MEIS1: variants seen among roughly 807,000 people sequenced by gnomAD.
MEIS1 encodes Meis homeobox 1.
Under a neutral mutation model 50.8 loss-of-function variants are expected in MEIS1, and 5 were observed. The observed-to-expected ratio is 0.10, with a 90% confidence interval of 0.05 to 0.21. The LOEUF (loss-of-function observed/expected upper bound fraction) is 0.21, where lower values mean the gene tolerates loss of function less well. MEIS1 is among the 10% of genes least tolerant of loss of function. The pLI, the probability that MEIS1 is intolerant of heterozygous loss-of-function variation, is 1.00. For synonymous variants in MEIS1, 176 were observed against 179.3 expected (o/e 0.98, Z 0.15); for missense variants, 318 against 517.3 (o/e 0.61, Z 3.74).
chr2:66,560,305 T>C (rs530077516), intron 9 of MEIS1, among the ~76,000 whole-genome samples: 1 of 151,930 alleles, frequency 6.6e-6, no homozygotes, highest in Admixed American at 6.6e-5. Flanking sequence ...TTAAAGAGAA[T>C]TTTAGTGGCT....
At chr2:66,467,615 A>AT (rs1412995361) in intron 7 of MEIS1, among the ~76,000 whole-genome samples, 1 of 151,632 alleles carries the variant, frequency 6.6e-6, no homozygotes, top group Admixed American at 6.6e-5. Flanking sequence ...AAAAAAAAAA[A>AT]TCCAATCGTG....
At position 66,437,857 on chromosome 2, in the gene MEIS1, C is replaced by G. The variant is rs1381550151; in HGVS notation, c.133C>G (p.Leu45Val). 3 of 1,613,574 alleles carry G rather than the reference C, an allele frequency of 1.9e-6. No homozygotes were observed. Among genetic ancestry groups the G allele is most frequent in the Non-Finnish European group, 2.5e-6 (3 of 1,179,720 alleles). Reference sequence around the variant, plus strand: ...CCACCACCTGAACCACGGGCCTCCTCTGCACTCGCATCAGTACCCGCACAC... The same window carrying G: ...CCACCACCTGAACCACGGGCCTCCTGTGCACTCGCATCAGTACCCGCACAC... ...PVHHLNHGPPLHSHQYPHTAH... is the reference protein window; with the variant it reads ...PVHHLNHGPPVHSHQYPHTAH... The change falls in exon 2 of 13, where the codon CTG becomes GTG. Residue 45 changes from leucine to valine, a missense_variant. By Grantham distance (32) the Leu-to-Val change is conservative (BLOSUM62 1). Transcript: ENST00000272369.
At chr2:66,520,644 T>C (rs1474095441) in intron 8 of MEIS1, among the ~76,000 whole-genome samples, 1 of 152,248 alleles carries the variant, frequency 6.6e-6, no homozygotes. Flanking sequence ...TGACATTGGA[T>C]TATTCTATCC....
At chr2:66,492,535 C>T (rs1393990818) in intron 7 of MEIS1, among the ~76,000 whole-genome samples, 1 of 152,160 alleles carries the variant, frequency 6.6e-6, no homozygotes, top group Non-Finnish European at 1.5e-5. Context: ...GCTAAGAAAG[C>T]TGTTGCTCTC....
intron 8 of MEIS1, among the ~76,000 whole-genome samples, chr2:66,544,322 A>C (rs1199543521): frequency 3.3e-5 from 5 of 152,116 alleles, no homozygotes; most frequent in Admixed American, 3.3e-4. Flanking sequence ...TTATTTAGTA[A>C]AGATGCATAG....
chr2:66,571,210 T>G (rs760437381), intron 12 of MEIS1, 36 bp from the exon 13 acceptor site: 22 of 1,544,358 alleles, frequency 1.4e-5, no homozygotes, highest in Non-Finnish European at 1.7e-5. Flanking sequence ...TTTCATAACA[T>G]TTTCTTTTTG....
chr2:66,450,342 A>G (rs1672248864), intron 6 of MEIS1, among the ~76,000 whole-genome samples: 4 of 152,136 alleles, frequency 2.6e-5, no homozygotes, highest in Admixed American at 2.6e-4. Context: ...AAATCCTGGC[A>G]TGCACTTATA....
chr2:66,538,890 T>TTG (rs1558555988), intron 8 of MEIS1, among the ~76,000 whole-genome samples: 10 of 151,886 alleles, frequency 6.6e-5, no homozygotes, highest in East Asian at 1.9e-4. Flanking sequence ...TTTTTTTTTT[T>TTG]TTTGTTTGTT....
chr2:66,543,440 C>G (rs1284134492), intron 8 of MEIS1, among the ~76,000 whole-genome samples: 1 of 152,136 alleles, frequency 6.6e-6, no homozygotes, highest in Non-Finnish European at 1.5e-5. Flanking sequence ...GAGTTATTCC[C>G]TTTCGCTGGG....
At chr2:66,496,698 C>T (rs567902635) in intron 7 of MEIS1, among the ~76,000 whole-genome samples, 12 of 152,314 alleles carry the variant, frequency 7.9e-5, no homozygotes, top group African/African-American at 2.6e-4. Context: ...CCTAGCTAAG[C>T]GAGGATTCCC....
In MEIS1 at chr2:66,507,648, G is replaced by C. The variant is rs1243069112; in HGVS notation, c.743-4501G>C. On this transcript the variant is annotated intron_variant, in intron 7 of 12. Transcript: ENST00000272369. ...GTAGGTTTAGGGGAACAGCAGTCCT[G>C]AGAGGACAGGAGTTAGTAGGGAGAG... Among the ~76,000 whole-genome samples, 3 of 152,310 alleles carry C rather than the reference G, an allele frequency of 2.0e-5. No individual in the cohort carries two copies. In the East Asian group the frequency reaches 5.8e-4, roughly 29 times the overall value.
intron 8 of MEIS1, among the ~76,000 whole-genome samples, chr2:66,531,266 A>G (rs188868200): frequency 1.3e-5 from 2 of 152,304 alleles, no homozygotes; most frequent in Admixed American, 6.5e-5. Context: ...ATGATATACA[A>G]TTGGCTTCAT....
intron 7 of MEIS1, among the ~76,000 whole-genome samples, chr2:66,509,433 G>A (rs188577210): frequency 1.3e-5 from 2 of 152,200 alleles, no homozygotes; most frequent in Admixed American, 6.5e-5. Flanking sequence ...TTCCCTCCCA[G>A]ATGGGAGTAA....
chr2:66,551,634 TTATC>T (rs771737228), intron 9 of MEIS1, among the ~76,000 whole-genome samples: 45 of 152,118 alleles, frequency 3.0e-4, no homozygotes, highest in Non-Finnish European at 5.3e-4. Flanking sequence ...TTTAAATAAA[TTATC>T]TAAGTATTTG....
chr2:66,456,561 C>T (rs913973755), intron 6 of MEIS1, among the ~76,000 whole-genome samples: 1 of 152,242 alleles, frequency 6.6e-6, no homozygotes, highest in African/African-American at 2.4e-5. Context: ...AATTTACCAT[C>T]TGCCCTGAGT....
intron 4 of MEIS1, 103 bp from the exon 5 acceptor site, chr2:66,441,309 ACT>A: frequency 1.1e-6 from 1 of 912,226 alleles, no homozygotes; most frequent in Admixed American, 3.4e-5. Context: ...AATCAAAATA[ACT>A]CTATTTACTG....
intron 7 of MEIS1, among the ~76,000 whole-genome samples, chr2:66,475,069 C>T (rs898521570): frequency 2.0e-5 from 3 of 150,866 alleles, no homozygotes; most frequent in African/African-American, 7.3e-5. Flanking sequence ...AGCACCTTGA[C>T]ACCCTTTTAT....
At chr2:66,565,555 G>A (rs1675326962) in intron 9 of MEIS1, among the ~76,000 whole-genome samples, 1 of 152,166 alleles carries the variant, frequency 6.6e-6, no homozygotes, top group Non-Finnish European at 1.5e-5. Flanking sequence ...ACAGCTGTGT[G>A]TCATTTAGCA....
chr2:66,469,726 C>T (rs147677551), intron 7 of MEIS1, among the ~76,000 whole-genome samples: 1 of 152,268 alleles, frequency 6.6e-6, no homozygotes, highest in Non-Finnish European at 1.5e-5. Context: ...TCACATACTT[C>T]CAATTATGGC....
Sources: gnomAD v4.1 joint callset for allele counts (sites outside exome capture counted in the v4.1 genomes callset) on GRCh38, gnomAD v4.1.1 for gene constraint, MANE v1.5 for transcripts, NCBI Gene and HGNC (gene_info 2026-07-23, HGNC 2026-07-21) for gene names.